CHRM3: variants seen among roughly 807,000 people sequenced by gnomAD.
CHRM3 encodes cholinergic receptor muscarinic 3, also known as muscarinic acetylcholine receptor M3.
A neutral mutation model predicts 41.8 loss-of-function variants in CHRM3; 11 were observed. The observed-to-expected ratio is 0.26, with a 90% CI of 0.17 to 0.44. The LOEUF is 0.44. CHRM3 is among the 20% of genes least tolerant of loss of function. CHRM3 has a pLI of 1.00. For synonymous variants in CHRM3, 297 were observed against 301.4 expected (o/e 0.99, Z 0.15); for missense variants, 571 against 745.4 (o/e 0.77, Z 2.72).
At chr1:239,894,715 G>A (rs1411842707) in intron 6 of CHRM3, among the ~76,000 whole-genome samples, 2 of 151,104 alleles carry the variant, frequency 1.3e-5, no homozygotes, top group Non-Finnish European at 3.0e-5. Context: ...TTACAGGCAT[G>A]AGCCACCGCG....
At chr1:239,761,223 C>T (rs182899556) in intron 5 of CHRM3, among the ~76,000 whole-genome samples, 19 of 152,166 alleles carry the variant, frequency 1.2e-4, no homozygotes, top group Non-Finnish European at 2.2e-4. Flanking sequence ...TATCTCTCGA[C>T]GTTTGATGTG....
intron 6 of CHRM3, among the ~76,000 whole-genome samples, chr1:239,847,182 A>G (rs1674336163): frequency 6.6e-6 from 1 of 152,154 alleles, no homozygotes; most frequent in Non-Finnish European, 1.5e-5. Flanking sequence ...CTTTTCTTTT[A>G]AAGGAGACTT....
intron 5 of CHRM3, among the ~76,000 whole-genome samples, chr1:239,751,160 C>T (rs970828584): frequency 6.6e-6 from 1 of 151,712 alleles, no homozygotes; most frequent in African/African-American, 2.4e-5. Context: ...ATTGCTTGAA[C>T]CCGGGAGGCA....
intron 2 of CHRM3, among the ~76,000 whole-genome samples, chr1:239,509,747 G>T (rs573921518): frequency 6.6e-6 from 1 of 152,246 alleles, no homozygotes; most frequent in African/African-American, 2.4e-5. Context: ...CATTAATTTT[G>T]CTTAGATATC....
chr1:239,426,602 G>T (rs1662412150), intron 1 of CHRM3, among the ~76,000 whole-genome samples: 1 of 151,964 alleles, frequency 6.6e-6, no homozygotes, highest in African/African-American at 2.4e-5. Flanking sequence ...AGAGCTATTT[G>T]TTAGACCTAT....
Position 239,907,535 on chromosome 1 carries a change from G to T in CHRM3, c.84G>T (p.Gly28=). The T allele has an allele frequency of 6.2e-7, 1 of 1,614,118 alleles. No individual in the cohort carries two copies. The highest frequency in any genetic ancestry group is 8.5e-7 in the Non-Finnish European group (1 of 1,180,028). The change falls in exon 7 of 7, where the codon GGG becomes GGT. Residue 28 remains glycine (G), a synonymous_variant. Coordinates refer to ENST00000676153, the MANE Select transcript of CHRM3 (RefSeq NM_001375978.1). This position sits in a 1 kb window ranked among gnomAD's most constrained non-coding sequence, Gnocchi z 5.4. The part of the protein sequence containing the change: ...SSWIHSPSDA[G]LPPGTVTHFG... ...GGATACACAGCCCCTCCGATGCAGG[G>T]CTGCCCCCGGGAACCGTCACTCATT... is the stretch of plus-strand genomic sequence containing the variant.
chr1:239,450,738 G>C (rs552011344), intron 1 of CHRM3, among the ~76,000 whole-genome samples: 1 of 152,300 alleles, frequency 6.6e-6, no homozygotes, highest in African/African-American at 2.4e-5. Flanking sequence ...ACTTCTGCCA[G>C]CTCTAGGCAG....
chr1:239,439,995 C>G (rs550923705), intron 1 of CHRM3, among the ~76,000 whole-genome samples: 1 of 151,132 alleles, frequency 6.6e-6, no homozygotes, highest in Non-Finnish European at 1.5e-5. Context: ...GTTAGGAGTT[C>G]GAGACTAGCC....
At chr1:239,764,334 C>G (rs1035741345) in intron 5 of CHRM3, among the ~76,000 whole-genome samples, 2 of 152,128 alleles carry the variant, frequency 1.3e-5, no homozygotes, top group African/African-American at 4.8e-5. Context: ...AAGAATTATC[C>G]TTGGCATGAG....
chr1:239,822,736 A>G (rs918215137), intron 5 of CHRM3, among the ~76,000 whole-genome samples: 5 of 152,240 alleles, frequency 3.3e-5, no homozygotes, highest in African/African-American at 1.2e-4. Flanking sequence ...AATAAAAGTT[A>G]AATTTGTGTT....
intron 2 of CHRM3, among the ~76,000 whole-genome samples, chr1:239,500,897 A>C (rs1668198786): frequency 1.3e-5 from 2 of 152,054 alleles, no homozygotes; most frequent in Admixed American, 1.3e-4. Context: ...CTAACACATA[A>C]GGACTAACAG....
chr1:239,639,146 A>G (rs1306213560), intron 4 of CHRM3, among the ~76,000 whole-genome samples: 2 of 152,022 alleles, frequency 1.3e-5, no homozygotes, highest in Non-Finnish European at 2.9e-5. Context: ...TACCAGTACC[A>G]TGCTGTTTTG....
intron 6 of CHRM3, among the ~76,000 whole-genome samples, chr1:239,855,543 T>A (rs1480327407): frequency 1.3e-5 from 2 of 152,028 alleles, no homozygotes; most frequent in Non-Finnish European, 2.9e-5. Flanking sequence ...CATTAGGGGA[T>A]TTTACTAACA....
intron 6 of CHRM3, among the ~76,000 whole-genome samples, chr1:239,830,824 A>T (rs1672838798): frequency 6.6e-6 from 1 of 152,044 alleles, no homozygotes; most frequent in Non-Finnish European, 1.5e-5. Context: ...CCTACACCCA[A>T]CCTCTGCAGG....
At chr1:239,468,373 AAT>A (rs1267531205) in intron 1 of CHRM3, among the ~76,000 whole-genome samples, 2 of 152,210 alleles carry the variant, frequency 1.3e-5, no homozygotes, top group Non-Finnish European at 2.9e-5. Flanking sequence ...GATAATGGTA[AAT>A]ATATGTTTTC....
In CHRM3 at chr1:239,453,926, G is replaced by A. The variant is rs111690981; in HGVS notation, c.-520-38783G>A. 1.8e-4 allele frequency among the ~76,000 whole-genome samples: 28 copies of A among 152,244 alleles called. 1 individual carries two copies. Among genetic ancestry groups the A allele is most frequent in the African/African-American group, 6.3e-4 (26 of 41,550 alleles). Reference sequence around the variant, plus strand: ...ATGAAGGATGGGAGAGCCTCAGACCGCAGCACAGTTAGGAGAAAGTCTTAG... The same window carrying A: ...ATGAAGGATGGGAGAGCCTCAGACCACAGCACAGTTAGGAGAAAGTCTTAG... On this transcript the variant is annotated intron_variant, in intron 1 of 6. Transcript: ENST00000676153.
chr1:239,770,589 T>G (rs1667580308), intron 5 of CHRM3, among the ~76,000 whole-genome samples: 2 of 152,026 alleles, frequency 1.3e-5, no homozygotes. Flanking sequence ...TTATGGGGAA[T>G]GAAGGAAAGG....
chr1:239,467,907 C>A (rs944477370), intron 1 of CHRM3, among the ~76,000 whole-genome samples: 18 of 152,054 alleles, frequency 1.2e-4, no homozygotes, highest in South Asian at 2.1e-4. Context: ...CTACCCCCCC[C>A]CAACGTTATT....
chr1:239,627,846 C>T (rs1669170223), intron 3 of CHRM3, among the ~76,000 whole-genome samples: 1 of 150,786 alleles, frequency 6.6e-6, no homozygotes, highest in Non-Finnish European at 1.5e-5. Flanking sequence ...TCTCTTCTGG[C>T]TTGTAAGGTT....
Sources: gnomAD v4.1 joint callset for allele counts (sites outside exome capture counted in the v4.1 genomes callset) on GRCh38, gnomAD v4.1.1 for gene constraint, Gnocchi (gnomAD v3.1) non-coding constraint, MANE v1.5 for transcripts, NCBI Gene and HGNC (gene_info 2026-07-23, HGNC 2026-07-21) for gene names.